UNC5A: variants seen among roughly 807,000 people sequenced by gnomAD.
UNC5A encodes unc-5 netrin receptor A.
In UNC5A, 20 loss-of-function variants were observed where a neutral mutation model predicts 87.4. The ratio of observed to expected loss-of-function variants is 0.23; its 90% CI spans 0.16 to 0.33. UNC5A has a LOEUF of 0.33. UNC5A is among the 10% of genes least tolerant of loss of function. The probability of loss-of-function intolerance (pLI) is 1.00; values close to 1 mark genes in which losing one functional copy is unlikely to be tolerated. For missense variants in UNC5A, 844 were observed against 1,133.4 expected, an observed-to-expected ratio of 0.74 and a Z score of 3.67; for synonymous variants, 438 against 482.3, an observed-to-expected ratio of 0.91 and a Z score of 1.20.
At chr5:176,825,191 C>T (rs567180622) in intron 1 of UNC5A, among the ~76,000 whole-genome samples, 1 of 152,106 alleles carries the variant, frequency 6.6e-6, no homozygotes, top group East Asian at 1.9e-4. Flanking sequence ...AGCTGATCAC[C>T]GACATGCATG....
At position 176,841,731 on chromosome 5, in the gene UNC5A, G is replaced by C. The variant is rs903657827; in HGVS notation, c.71-20893G>C. 2.0e-5 allele frequency among the ~76,000 whole-genome samples: 3 copies of C among 152,162 alleles called. No homozygotes were observed. The highest frequency in any genetic ancestry group is 4.4e-5 in the Non-Finnish European group (3 of 68,024). On this transcript the variant is annotated intron_variant, in intron 1 of 14. Coordinates refer to ENST00000329542, the MANE Select transcript of UNC5A (RefSeq NM_133369.3). The surrounding 1 kb of genome is among the most constrained non-coding windows in gnomAD (Gnocchi z 4.1). ...AAAGATATATGTCCACCAAAGACCT[G>C]TCTGTGAAAGCTCTTAGCAGATTTA...
chr5:176,863,049 G>A (rs1757881483), intron 2 of UNC5A, among the ~76,000 whole-genome samples: 1 of 152,236 alleles, frequency 6.6e-6, no homozygotes, highest in Admixed American at 6.5e-5. Flanking sequence ...CTCACATTCA[G>A]TGATTGTTTT....
In UNC5A at chr5:176,877,237, T is replaced by C; in HGVS notation, c.1424T>C (p.Ile475Thr). Residue 475 changes from isoleucine to threonine, a missense_variant, in exon 9 of 15, where the codon ATC (isoleucine) becomes ACC (threonine). Transcript: ENST00000329542. ...CCAGATGCCATACCCCGAGGGAAGA[T>C]CTATGAGATCTACCTCACGCTGCAC... ...IPPDAIPRGK[I>T]YEIYLTLHKP... 1 of 1,612,720 alleles carries C rather than the reference T, an allele frequency of 6.2e-7. No individual in the cohort carries two copies.
intron 1 of UNC5A, among the ~76,000 whole-genome samples, chr5:176,816,268 T>C (rs1756585195): frequency 6.6e-6 from 1 of 152,254 alleles, no homozygotes; most frequent in Non-Finnish European, 1.5e-5. Flanking sequence ...AGGTGGCTGC[T>C]GGGGCAGAGC....
At chr5:176,873,131 C>G (rs1203200203) in intron 6 of UNC5A, among the ~76,000 whole-genome samples, 1 of 148,414 alleles carries the variant, frequency 6.7e-6, no homozygotes, top group Non-Finnish European at 1.5e-5. Flanking sequence ...CACACTCACC[C>G]AACACCACAG....
intron 1 of UNC5A, among the ~76,000 whole-genome samples, chr5:176,831,561 G>A (rs868517492): frequency 6.6e-6 from 1 of 152,214 alleles, no homozygotes; most frequent in Admixed American, 6.5e-5. Context: ...GCCGTGGGCT[G>A]GGCTGGTTTT....
intron 1 of UNC5A, among the ~76,000 whole-genome samples, chr5:176,828,218 C>T (rs763322233): frequency 2.0e-5 from 3 of 152,310 alleles, no homozygotes; most frequent in East Asian, 1.9e-4. Context: ...AGACGCAGTG[C>T]GCGGCTGTGA....
At chr5:176,830,438 CAT>C (rs1491319648) in intron 1 of UNC5A, among the ~76,000 whole-genome samples, 1,937 of 48,692 alleles carry the variant, frequency 0.04, 53 homozygotes, top group African/African-American at 0.062. Flanking sequence ...TGTGTGCTGG[CAT>C]GTGTGTGTGT....
intron 1 of UNC5A, among the ~76,000 whole-genome samples, chr5:176,836,793 AG>A (rs1363001011): frequency 6.6e-6 from 1 of 152,252 alleles, no homozygotes; most frequent in Non-Finnish European, 1.5e-5. Context: ...TGCACTCAGC[AG>A]GGAATAAACT....
In UNC5A at chr5:176,810,693, G is replaced by A; in HGVS notation, c.-58G>A. The A allele has an allele frequency of 1.4e-6, 1 of 702,226 alleles. No homozygotes were observed. The highest frequency in any genetic ancestry group is 1.8e-6 in the Non-Finnish European group (1 of 567,064). The allele number at this position is 702,226 out of a possible 1,614,324, so 43.5% of individuals were successfully genotyped here. A position where few individuals can be genotyped will look rare whatever the true frequency, so the allele number is the denominator to read the frequency against. On this transcript the variant is annotated 5_prime_UTR_variant, in exon 1 of 15. Coordinates refer to ENST00000329542, the MANE Select transcript of UNC5A (RefSeq NM_133369.3). This position sits in a 1 kb window ranked among gnomAD's most constrained non-coding sequence, Gnocchi z 7.3. ...TGGGGCTCCGGGCTGAGGCGCTAAA[G>A]CCGCCCTCCCGCCCGCGGGGCCCCG...
intron 1 of UNC5A, among the ~76,000 whole-genome samples, chr5:176,839,375 C>T (rs1041769689): frequency 2.0e-5 from 3 of 152,212 alleles, no homozygotes; most frequent in African/African-American, 7.2e-5. Context: ...GTCCCTGATC[C>T]GCAGGCAGTG....
Position 176,874,421 on chromosome 5 carries a change from C to G in UNC5A, c.1233C>G (p.His411Gln), listed in dbSNP as rs1230502826. Residue 411 changes from histidine to glutamine, a missense_variant, in exon 8 of 15, where the codon CAC (histidine) becomes CAG (glutamine). Transcript: ENST00000329542. This position sits in a 1 kb window ranked among gnomAD's most constrained non-coding sequence, Gnocchi z 7.6. ...SPLGGGRHTL[H>Q]HSSPTSEAEE... ...TGGGTGGCGGCCGCCACACACTGCA[C>G]CACAGCTCTCCCACCTCTGAGGCCG... The G allele has an allele frequency of 3.1e-6, 5 of 1,613,594 alleles. No homozygotes were observed. Among genetic ancestry groups the G allele is most frequent in the Non-Finnish European group, 4.2e-6 (5 of 1,179,918 alleles).
At chr5:176,847,312 C>G (rs1448898319) in intron 1 of UNC5A, among the ~76,000 whole-genome samples, 1 of 152,128 alleles carries the variant, frequency 6.6e-6, no homozygotes, top group Non-Finnish European at 1.5e-5. Flanking sequence ...ATGGGAGAGC[C>G]GGGCTTGGCG....
chr5:176,823,580 G>A (rs1756781559), intron 1 of UNC5A, among the ~76,000 whole-genome samples: 1 of 152,048 alleles, frequency 6.6e-6, no homozygotes, highest in Admixed American at 6.5e-5. Context: ...AGCCCTACGG[G>A]GTAGGTCGGT....
chr5:176,851,519 G>A (rs1038899165), intron 1 of UNC5A, among the ~76,000 whole-genome samples: 4 of 152,248 alleles, frequency 2.6e-5, no homozygotes, highest in Non-Finnish European at 5.9e-5. Flanking sequence ...TTAATTGCCA[G>A]CAACATTGTA....
intron 3 of UNC5A, 103 bp downstream of exon 3, chr5:176,868,376 T>A: frequency 1.9e-6 from 3 of 1,554,724 alleles, no homozygotes; most frequent in Non-Finnish European, 2.6e-6. Flanking sequence ...TCAGAAAACC[T>A]CACAGCCCTG....
chr5:176,829,814 A>C (rs565428415), intron 1 of UNC5A, among the ~76,000 whole-genome samples: 1 of 150,334 alleles, frequency 6.7e-6, no homozygotes, highest in African/African-American at 2.4e-5. Flanking sequence ...GGGAAGTACA[A>C]GTTCATTACC....
rs752877632 is a variant in UNC5A, at chr5:176,875,981, C to T, written c.1379-1211C>T. ...CTGTCAGCTCTTACAGAGACGCAGG[C>T]GAACAGTGGGGCCCGGCAGCCCTTG... On this transcript the variant is annotated intron_variant, in intron 8 of 14. Coordinates refer to ENST00000329542, the MANE Select transcript of UNC5A (RefSeq NM_133369.3). This position sits in a 1 kb window ranked among gnomAD's most constrained non-coding sequence, Gnocchi z 5.2. Among the ~76,000 whole-genome samples, 2 of 152,246 alleles carry T rather than the reference C, an allele frequency of 1.3e-5. No homozygotes were observed. The highest frequency in any genetic ancestry group is 2.1e-4 in the South Asian group (1 of 4,838).
At chr5:176,862,598 C>G (rs373013020) in intron 1 of UNC5A, 26 bp from the exon 2 acceptor site, 3 of 1,609,008 alleles carry the variant, frequency 1.9e-6, no homozygotes, top group Non-Finnish European at 2.5e-6. Flanking sequence ...GCCCCTGGCT[C>G]ACCTTCCCCC....
Sources: allele counts gnomAD v4.1 joint callset (sites outside exome capture counted in the v4.1 genomes callset), GRCh38; gene constraint gnomAD v4.1.1; non-coding constraint Gnocchi (gnomAD v3.1); transcripts MANE v1.5; gene names NCBI Gene and HGNC (gene_info 2026-07-23, HGNC 2026-07-21).